Variants in ARHGAP6 observed in about 807,000 individuals in gnomAD.
ARHGAP6 encodes the protein rho GTPase-activating protein 6.
In ARHGAP6, 16 loss-of-function variants were observed where a neutral mutation model predicts 55.7. The ratio of observed to expected loss-of-function variants is 0.29; its 90% CI spans 0.19 to 0.44. ARHGAP6 has a LOEUF of 0.44. Among genes scored for constraint, ARHGAP6 ranks in the 20% least tolerant of loss-of-function variants. The pLI is 1.00. For missense variants in ARHGAP6, 698 were observed against 808.9 expected (o/e 0.86, Z 1.66); for synonymous variants, 382 against 360.9 (o/e 1.06, Z -0.66).
At chrX:11,453,222 C>CTATA (rs775999221) in intron 1 of ARHGAP6, among the ~76,000 whole-genome samples, 1,910 of 95,135 alleles carry the variant, frequency 0.02, 26 homozygotes, top group Middle Eastern at 0.072. Flanking sequence ...TATATATATG[C>CTATA]TATATATATA....
chrX:11,390,629 C>G (rs1447321799), intron 1 of ARHGAP6, among the ~76,000 whole-genome samples: 12 of 111,653 alleles, frequency 1.1e-4, no homozygotes, highest in African/African-American at 3.3e-4. Flanking sequence ...AAAAAACAAA[C>G]AACCCCATCA....
intron 1 of ARHGAP6, among the ~76,000 whole-genome samples, chrX:11,636,561 A>G (rs1189563631): frequency 9.0e-6 from 1 of 111,282 alleles, no homozygotes; most frequent in Non-Finnish European, 1.9e-5. Flanking sequence ...GGATGAAAAA[A>G]GGTCTCCAAT....
intron 1 of ARHGAP6, among the ~76,000 whole-genome samples, chrX:11,552,603 C>G (rs866468334): frequency 9.2e-5 from 5 of 54,509 alleles, no homozygotes; most frequent in Admixed American, 4.2e-4. Context: ...TATATATAGA[C>G]ACACACACAC....
At chrX:11,359,414 G>A (rs1225455579) in intron 1 of ARHGAP6, among the ~76,000 whole-genome samples, 1 of 112,265 alleles carries the variant, frequency 8.9e-6, no homozygotes, top group Non-Finnish European at 1.9e-5. Context: ...AATTAATTCT[G>A]TAAGTGGCAC....
chrX:11,655,052 T>TC (rs1206350391), intron 1 of ARHGAP6, among the ~76,000 whole-genome samples: 1 of 111,650 alleles, frequency 9.0e-6, no homozygotes, highest in African/African-American at 3.3e-5. Context: ...TCGCTCCACA[T>TC]CCCTCCCTAC....
intron 1 of ARHGAP6, among the ~76,000 whole-genome samples, chrX:11,443,990 T>G (rs1479898293): frequency 2.7e-5 from 3 of 112,549 alleles, no homozygotes; most frequent in Admixed American, 9.4e-5. Flanking sequence ...ACTAATGAGT[T>G]GGAACACCTG....
chrX:11,411,183 T>TTTTATATATATATA (rs1196355643), intron 1 of ARHGAP6, among the ~76,000 whole-genome samples: 42 of 31,793 alleles, frequency 1.3e-3, no homozygotes, highest in African/African-American at 3.9e-3. Context: ...CAGACATTAT[T>TTTTATATATATATA]TATATATATA....
chrX:11,613,132 G>A (rs1485165247), intron 1 of ARHGAP6, among the ~76,000 whole-genome samples: 1 of 112,116 alleles, frequency 8.9e-6, no homozygotes, highest in African/African-American at 3.2e-5. Flanking sequence ...TCCAAAGGTT[G>A]GCCCATAGCA....
chrX:11,590,318 C>T (rs2051789648), intron 1 of ARHGAP6, among the ~76,000 whole-genome samples: 1 of 111,505 alleles, frequency 9.0e-6, no homozygotes, highest in African/African-American at 3.3e-5. Flanking sequence ...ATTTCCAAAG[C>T]TCTGTTTTAT....
intron 2 of ARHGAP6, among the ~76,000 whole-genome samples, chrX:11,214,079 A>G (rs1246602851): frequency 9.0e-6 from 1 of 111,116 alleles, no homozygotes; most frequent in Non-Finnish European, 1.9e-5. Flanking sequence ...CTCTAACTGA[A>G]GTACCCAAAG....
intron 1 of ARHGAP6, among the ~76,000 whole-genome samples, chrX:11,433,286 G>T (rs190419618): frequency 8.9e-6 from 1 of 112,400 alleles, no homozygotes; most frequent in Non-Finnish European, 1.9e-5. Context: ...TTCAGGGAAA[G>T]AAAACAAGTG....
chrX:11,156,630 A>G lies in ARHGAP6; in HGVS notation c.1810-4T>C, dbSNP rs375805612. 5 of 1,193,225 alleles carry G rather than the reference A, an allele frequency of 4.2e-6. No individual in the cohort carries two copies. The highest frequency in any genetic ancestry group is 4.5e-6 in the Non-Finnish European group (4 of 881,215). ...CGTTCTGGAGATCTGGGGGAACCTG[A>G]AGGAGCCAAATGTTGAGGCATAAAT... On this transcript the variant is annotated splice_region_variant and splice_polypyrimidine_tract_variant and intron_variant, in intron 9 of 12. Coordinates refer to ENST00000337414, the MANE Select transcript of ARHGAP6 (RefSeq NM_013427.3).
chrX:11,313,356 C>A (rs2048322113), intron 1 of ARHGAP6, among the ~76,000 whole-genome samples: 1 of 112,561 alleles, frequency 8.9e-6, no homozygotes, highest in Non-Finnish European at 1.9e-5. Context: ...TCTGGACCAA[C>A]TTCCTTAGCC....
intron 1 of ARHGAP6, among the ~76,000 whole-genome samples, chrX:11,623,013 T>C (rs2052248625): frequency 8.9e-6 from 1 of 111,838 alleles, no homozygotes; most frequent in African/African-American, 3.2e-5. Flanking sequence ...AAAAGAAGGA[T>C]GCCCACTTTC....
At chrX:11,290,122 A>G (rs1269201888) in intron 1 of ARHGAP6, among the ~76,000 whole-genome samples, 1 of 112,170 alleles carries the variant, frequency 8.9e-6, no homozygotes, top group Non-Finnish European at 1.9e-5. Context: ...CTCCCTTTTC[A>G]GATACTTATC....
intron 1 of ARHGAP6, among the ~76,000 whole-genome samples, chrX:11,623,350 T>G: frequency 1.8e-5 from 2 of 110,603 alleles, no homozygotes; most frequent in Middle Eastern, 4.7e-3. Flanking sequence ...AAAAAATACC[T>G]AGGAATAAAC....
rs143417714 is a variant in ARHGAP6 at position 11,636,080 on chromosome X, T to C, written c.588+28161A>G. Among the ~76,000 whole-genome samples the C allele has an allele frequency of 8.9e-3, 996 of 111,807 alleles. 14 individuals carry two copies. The highest frequency in any genetic ancestry group is 0.031 in the African/African-American group (948 of 30,837). ...TGGGCCGTCAAAAGTGGGTAGCACT[T>C]GACTACACATGGAAGGAAGGAGAAC... On this transcript the variant is annotated intron_variant, in intron 1 of 12. Coordinates refer to ENST00000337414, the MANE Select transcript of ARHGAP6 (RefSeq NM_013427.3).
chrX:11,276,813 G>C (rs2047775154), intron 1 of ARHGAP6, among the ~76,000 whole-genome samples: 2 of 111,998 alleles, frequency 1.8e-5, no homozygotes, highest in Non-Finnish European at 3.8e-5. Flanking sequence ...TGCTTTCTCT[G>C]AGCAATGAAG....
chrX:11,202,883 T>C (rs1183947642), intron 2 of ARHGAP6, among the ~76,000 whole-genome samples: 1 of 101,028 alleles, frequency 9.9e-6, no homozygotes, highest in African/African-American at 3.7e-5. Flanking sequence ...TTTCTCAATA[T>C]AGAGTAAAAG....
Sources: allele counts gnomAD v4.1 joint callset (sites outside exome capture counted in the v4.1 genomes callset), GRCh38; gene constraint gnomAD v4.1.1; transcripts MANE v1.5; gene names NCBI Gene and HGNC (gene_info 2026-07-23, HGNC 2026-07-21).